Variants in RAB38 observed in about 807,000 individuals in gnomAD.
The protein encoded by RAB38 is ras-related protein Rab-38.
In RAB38, 15 loss-of-function variants were observed where a neutral mutation model predicts 18.4. The observed-to-expected ratio is 0.82, with a 90% CI of 0.55 to 1.26. The LOEUF (loss-of-function observed/expected upper bound fraction) is 1.26. Ranked by LOEUF, RAB38 falls within the 50% of genes most tolerant of loss-of-function variation. The pLI, the probability that RAB38 is intolerant of heterozygous loss-of-function variation, is 0.00. For missense variants in RAB38, 294 were observed against 267.4 expected (o/e 1.10, Z -0.69); for synonymous variants, 101 against 104.4 (o/e 0.97, Z 0.20).
chr11:88,101,885 A>G, the RAB38 span, among the ~76,000 whole-genome samples: 13 of 151,810 alleles, frequency 8.6e-5, no homozygotes, highest in Admixed American at 2.6e-4. Flanking sequence ...ACTGCTTTCC[A>G]TATAGAAATA....
At chr11:88,094,008 G>A in the RAB38 span, among the ~76,000 whole-genome samples, 1 of 151,870 alleles carries the variant, frequency 6.6e-6, no homozygotes, top group Non-Finnish European at 1.5e-5. Context: ...CATGGCTAGT[G>A]GGTCACAGAG....
the RAB38 span, among the ~76,000 whole-genome samples, chr11:87,826,912 C>G: frequency 1.9e-3 from 290 of 152,234 alleles, 1 homozygote; most frequent in African/African-American, 6.6e-3. Flanking sequence ...GGGGAGGACA[C>G]TGTTGACAGA....
chr11:88,024,909 A>C, the RAB38 span, among the ~76,000 whole-genome samples: 5 of 105,776 alleles, frequency 4.7e-5, no homozygotes, highest in South Asian at 1.5e-3. Context: ...TAATGGGCAC[A>C]AAAAAAATAG....
the RAB38 span, among the ~76,000 whole-genome samples, chr11:87,842,794 GCACACACACACACACGCGCGCGCA>G: frequency 1.5e-5 from 2 of 130,000 alleles, no homozygotes; most frequent in Non-Finnish European, 1.6e-5. Context: ...GCATGCGCAT[GCACACACACACACACGCGCGCGCA>G]CACACACACA....
At chr11:88,150,332 T>C (rs1185976580) in intron 1 of RAB38, among the ~76,000 whole-genome samples, 1 of 152,222 alleles carries the variant, frequency 6.6e-6, no homozygotes, top group Non-Finnish European at 1.5e-5. Context: ...AGTAACTGCA[T>C]GTCGCTAGTG....
chr11:87,867,357 C>A, the RAB38 span, among the ~76,000 whole-genome samples: 2 of 151,450 alleles, frequency 1.3e-5, no homozygotes, highest in Non-Finnish European at 3.0e-5. Context: ...ACATTAGATA[C>A]AAGACAGAAA....
chr11:87,926,121 C>T, the RAB38 span, among the ~76,000 whole-genome samples: 2 of 151,622 alleles, frequency 1.3e-5, no homozygotes, highest in Non-Finnish European at 2.9e-5. Context: ...GTTCATCATT[C>T]ATGGATAATG....
chr11:87,837,782 A>G, the RAB38 span, among the ~76,000 whole-genome samples: 1 of 152,232 alleles, frequency 6.6e-6, no homozygotes, highest in Non-Finnish European at 1.5e-5. Flanking sequence ...ATTCTTGACT[A>G]AAGTCTTTGC....
At chr11:88,105,036 C>T in the RAB38 span, among the ~76,000 whole-genome samples, 2 of 151,966 alleles carry the variant, frequency 1.3e-5, no homozygotes, top group African/African-American at 4.8e-5. Context: ...AATTTCCAGA[C>T]CTTACTTTAC....
the RAB38 span, among the ~76,000 whole-genome samples, chr11:87,955,593 A>T: frequency 1.3e-5 from 2 of 152,148 alleles, no homozygotes; most frequent in Non-Finnish European, 2.9e-5. Flanking sequence ...CTATTGTATA[A>T]AGCCCGTAGC....
the RAB38 span, among the ~76,000 whole-genome samples, chr11:88,088,109 C>G: frequency 6.6e-6 from 1 of 151,988 alleles, no homozygotes; most frequent in East Asian, 1.9e-4. Flanking sequence ...TTTTCCATGT[C>G]AGCAGACAGG....
At chr11:88,016,174 T>G in the RAB38 span, among the ~76,000 whole-genome samples, 1 of 152,130 alleles carries the variant, frequency 6.6e-6, no homozygotes, top group African/African-American at 2.4e-5. Context: ...AATCCAAACT[T>G]TTATTGTCTA....
intron 2 of RAB38, among the ~76,000 whole-genome samples, chr11:88,134,210 G>C (rs1486089926): frequency 6.6e-6 from 1 of 151,928 alleles, no homozygotes; most frequent in African/African-American, 2.4e-5. Context: ...CTGTATCTCA[G>C]GACCCCATTC....
chr11:88,026,252 G>A, the RAB38 span, among the ~76,000 whole-genome samples: 1 of 152,028 alleles, frequency 6.6e-6, no homozygotes, highest in Non-Finnish European at 1.5e-5. Context: ...GATGTGGAAG[G>A]TAGATGTGGT....
chr11:88,072,603 T>A, the RAB38 span, among the ~76,000 whole-genome samples: 2 of 152,122 alleles, frequency 1.3e-5, no homozygotes, highest in Non-Finnish European at 2.9e-5. Flanking sequence ...CCAAGCAGAT[T>A]GCATGAATTT....
the RAB38 span, among the ~76,000 whole-genome samples, chr11:87,893,390 A>ATATATATATATATATATTT: frequency 1.9e-3 from 182 of 93,870 alleles, no homozygotes; most frequent in East Asian, 2.6e-3. Flanking sequence ...ATATATATAT[A>ATATATATATATATATATTT]TTTTTTTTTT....
At chr11:88,135,811 A>T (rs1473979791) in intron 2 of RAB38, among the ~76,000 whole-genome samples, 2 of 152,274 alleles carry the variant, frequency 1.3e-5, no homozygotes, top group Non-Finnish European at 2.9e-5. Flanking sequence ...AATGTTTCAG[A>T]AACATATAGT....
chr11:87,907,766 C>A, the RAB38 span, among the ~76,000 whole-genome samples: 1 of 151,578 alleles, frequency 6.6e-6, no homozygotes, highest in African/African-American at 2.4e-5. Flanking sequence ...TCCTTAGTAA[C>A]TCATTGGAAA....
chr11:87,959,512 G>A, the RAB38 span, among the ~76,000 whole-genome samples: 2 of 152,132 alleles, frequency 1.3e-5, no homozygotes, highest in Non-Finnish European at 2.9e-5. Flanking sequence ...GCTGAGCATT[G>A]TGCTATGTGT....
Sources: gnomAD v4.1 joint callset for allele counts (sites outside exome capture counted in the v4.1 genomes callset) on GRCh38, gnomAD v4.1.1 for gene constraint, MANE v1.5 for transcripts, NCBI Gene and HGNC (gene_info 2026-07-23, HGNC 2026-07-21) for gene names.